Variants in FSIP1 observed in about 807,000 individuals in gnomAD.
FSIP1 encodes fibrous sheath-interacting protein 1.
In FSIP1, 65 loss-of-function variants were observed where a neutral mutation model predicts 60.9. The ratio of observed to expected loss-of-function variants is 1.07; its 90% CI spans 0.87 to 1.31. The LOEUF (loss-of-function observed/expected upper bound fraction) is 1.31, where lower values mean the gene tolerates loss of function less well. Ranked by LOEUF, FSIP1 falls within the 40% of genes most tolerant of loss-of-function variation. The probability of loss-of-function intolerance (pLI) is 0.00; values close to 1 mark genes in which losing one functional copy is unlikely to be tolerated. For synonymous variants in FSIP1, 209 were observed against 221.2 expected, an observed-to-expected ratio of 0.94 and a Z score of 0.49; for missense variants, 675 against 665.5, an observed-to-expected ratio of 1.01 and a Z score of -0.16.
At chr15:39,670,330 C>A (rs1893667682) in intron 10 of FSIP1, among the ~76,000 whole-genome samples, 1 of 152,134 alleles carries the variant, frequency 6.6e-6, no homozygotes, top group African/African-American at 2.4e-5. Flanking sequence ...GCTTGGTGAA[C>A]AGAAACAGGA....
chr15:39,649,364 A>G lies in FSIP1; in HGVS notation c.1189-31119T>C, dbSNP rs114327748. 7.8e-3 allele frequency among the ~76,000 whole-genome samples: 1,188 copies of G among 152,342 alleles called. 26 individuals are homozygous for G. The highest frequency in any genetic ancestry group is 0.027 in the African/African-American group (1,136 of 41,580). On this transcript the variant is annotated intron_variant, in intron 10 of 11. Coordinates refer to ENST00000350221, the MANE Select transcript of FSIP1 (RefSeq NM_152597.5). ...AATATATTTTAGTCATAAAGACACT[A>G]TAAGTTTCCGAGTAGAAATGCTTCA...
At position 39,726,592 on chromosome 15, in the gene FSIP1, A is replaced by G; in HGVS notation, c.1047T>C (p.Asn349=). The G allele has an allele frequency of 6.2e-7, 1 of 1,614,096 alleles. No homozygotes were observed. The highest frequency in any genetic ancestry group is 8.5e-7 in the Non-Finnish European group (1 of 1,179,966). The change falls in exon 9 of 12, where the codon AAT becomes AAC. Residue 349 remains asparagine, a synonymous_variant. Transcript: ENST00000350221. Reference sequence around the variant, plus strand: ...AGTCTATGGGTTCTTCAAATACCTGATTATTCCGATTTTCAAGTCTTGGAG... The same window carrying G: ...AGTCTATGGGTTCTTCAAATACCTGGTTATTCCGATTTTCAAGTCTTGGAG... ...SFSPRLENRN[N]QKPDRDGERN...
chr15:39,741,805 C>G lies in FSIP1; in HGVS notation c.655G>C (p.Asp219His). 6.7e-7 allele frequency: 1 copy of G among 1,492,230 alleles called. No individual in the cohort carries two copies. Among genetic ancestry groups the G allele is most frequent in the Non-Finnish European group, 9.3e-7 (1 of 1,070,692 alleles). The allele number at this position is 1,492,230 out of a possible 1,614,324, so 92.4% of individuals were successfully genotyped here. Residue 219 changes from aspartate to histidine, a missense_variant and splice_region_variant, in exon 6 of 12, where the codon GAT (aspartate) becomes CAT (histidine). Asp to His is a moderately conservative substitution (Grantham distance 81, BLOSUM62 -1). Coordinates refer to ENST00000350221, the MANE Select transcript of FSIP1 (RefSeq NM_152597.5). ...TATAATCACACAAATTTAAATATACCTTTATTGAGTTTCTGCATCTGCATT... is the reference window on the plus strand; with the variant it reads ...TATAATCACACAAATTTAAATATACGTTTATTGAGTTTCTGCATCTGCATT... ...YEMQMQKLNK[D>H]FTCDVERNES...
chr15:39,659,627 T>TAAA (rs10648104), intron 10 of FSIP1, among the ~76,000 whole-genome samples: 248 of 138,012 alleles, frequency 1.8e-3, no homozygotes, highest in East Asian at 4.0e-3. Flanking sequence ...GCTGTTATTT[T>TAAA]AAAAAAAAAA....
chr15:39,733,081 C>T (rs968629335), intron 8 of FSIP1, among the ~76,000 whole-genome samples: 2 of 152,096 alleles, frequency 1.3e-5, no homozygotes, highest in Non-Finnish European at 2.9e-5. Context: ...CTCTCTGTTG[C>T]CCAGGCTGGA....
intron 5 of FSIP1, among the ~76,000 whole-genome samples, chr15:39,752,274 G>A (rs1344228606): frequency 6.6e-6 from 1 of 151,816 alleles, no homozygotes; most frequent in Non-Finnish European, 1.5e-5. Context: ...TTCTGTACAT[G>A]GTAAGTTAGA....
chr15:39,734,498 T>G (rs775218568), intron 8 of FSIP1, among the ~76,000 whole-genome samples: 12 of 152,158 alleles, frequency 7.9e-5, no homozygotes, highest in Non-Finnish European at 1.3e-4. Flanking sequence ...GATTTCAATA[T>G]ATCCTGGAGG....
intron 11 of FSIP1, among the ~76,000 whole-genome samples, chr15:39,606,158 G>A (rs1331640416): frequency 6.6e-6 from 1 of 152,202 alleles, no homozygotes; most frequent in African/African-American, 2.4e-5. Flanking sequence ...TCAATTTAGA[G>A]TGACCAACCA....
At chr15:39,601,939 G>C (rs1043558678) in intron 11 of FSIP1, among the ~76,000 whole-genome samples, 3 of 151,990 alleles carry the variant, frequency 2.0e-5, no homozygotes, top group Admixed American at 6.5e-5. Flanking sequence ...CGTTGTCGGG[G>C]GTGGAAAAAA....
intron 10 of FSIP1, among the ~76,000 whole-genome samples, chr15:39,703,205 C>A (rs1002154639): frequency 6.6e-6 from 1 of 152,148 alleles, no homozygotes; most frequent in Non-Finnish European, 1.5e-5. Flanking sequence ...TGGTCTCGAA[C>A]TCCCAACCTC....
At chr15:39,770,189 GACC>G (rs1430704189) in intron 3 of FSIP1, among the ~76,000 whole-genome samples, 1 of 151,986 alleles carries the variant, frequency 6.6e-6, no homozygotes, top group Non-Finnish European at 1.5e-5. Context: ...AATGCACAAT[GACC>G]ACAATTTTAT....
chr15:39,741,356 A>T (rs1896795015), intron 6 of FSIP1, among the ~76,000 whole-genome samples: 1 of 152,174 alleles, frequency 6.6e-6, no homozygotes, highest in Admixed American at 6.5e-5. Context: ...AGTGACCCCA[A>T]ACCTTGCTGG....
At chr15:39,650,148 A>C (rs1023839169) in intron 10 of FSIP1, among the ~76,000 whole-genome samples, 4 of 152,252 alleles carry the variant, frequency 2.6e-5, no homozygotes, top group Non-Finnish European at 4.4e-5. Flanking sequence ...GTTCAAACTC[A>C]GTTGGACAGG....
At chr15:39,736,463 T>A (rs1053723172) in intron 8 of FSIP1, among the ~76,000 whole-genome samples, 6 of 152,238 alleles carry the variant, frequency 3.9e-5, no homozygotes, top group Admixed American at 6.5e-5. Context: ...TAGGAGCAGT[T>A]GTGAACATTT....
chr15:39,685,167 A>C (rs2140493255), intron 10 of FSIP1, among the ~76,000 whole-genome samples: 1 of 152,348 alleles, frequency 6.6e-6, no homozygotes, highest in African/African-American at 2.4e-5. Context: ...CTTTAGGGAA[A>C]GTTTTTAGTT....
intron 2 of FSIP1, among the ~76,000 whole-genome samples, chr15:39,773,145 T>A (rs1008418180): frequency 1.7e-4 from 26 of 152,234 alleles, no homozygotes; most frequent in African/African-American, 5.8e-4. Context: ...AAGCTCATTT[T>A]CTGCTGTGAA....
At chr15:39,712,342 T>C (rs1025834000) in intron 10 of FSIP1, among the ~76,000 whole-genome samples, 2 of 152,102 alleles carry the variant, frequency 1.3e-5, no homozygotes, top group African/African-American at 4.8e-5. Flanking sequence ...TACTCCATGG[T>C]GCAGCATATT....
At position 39,672,278 on chromosome 15, in the gene FSIP1, G is replaced by A. The variant is rs768246079; in HGVS notation, c.1188+41166C>T. Among the ~76,000 whole-genome samples the A allele has an allele frequency of 6.6e-4, 101 of 152,188 alleles. 1 individual carries two copies. Among genetic ancestry groups the A allele is most frequent in the Admixed American group, 3.6e-3 (55 of 15,284 alleles). On this transcript the variant is annotated intron_variant, in intron 10 of 11. Coordinates refer to ENST00000350221, the MANE Select transcript of FSIP1 (RefSeq NM_152597.5). ...CTGAGGGTAGGGCATTCAGCACAGCGGCTGCCTTAGCAGTGCTCCATGAAG... is the reference window on the plus strand; with the variant it reads ...CTGAGGGTAGGGCATTCAGCACAGCAGCTGCCTTAGCAGTGCTCCATGAAG...
At chr15:39,613,004 GA>G (rs759590122) in intron 11 of FSIP1, among the ~76,000 whole-genome samples, 67 of 151,486 alleles carry the variant, frequency 4.4e-4, no homozygotes, top group East Asian at 1.6e-3. Flanking sequence ...AAATATAAAA[GA>G]AAAAAATATC....
Sources: gnomAD v4.1 joint callset for allele counts (sites outside exome capture counted in the v4.1 genomes callset) on GRCh38, gnomAD v4.1.1 for gene constraint, MANE v1.5 for transcripts, NCBI Gene and HGNC (gene_info 2026-07-23, HGNC 2026-07-21) for gene names.